The following TCF12 variants were observed in gnomAD, a reference collection of about 807,000 sequenced individuals.
TCF12 encodes DNA-binding protein HTF4.
In TCF12, 45 loss-of-function variants were observed where a neutral mutation model predicts 86.0. The observed-to-expected ratio is 0.52, with a 90% CI of 0.41 to 0.67. TCF12 has a LOEUF of 0.67. Among genes scored for constraint, TCF12 ranks in the 30% least tolerant of loss-of-function variants. The probability of loss-of-function intolerance (pLI) is 0.00; values close to 1 mark genes in which losing one functional copy is unlikely to be tolerated. For synonymous variants in TCF12, 330 were observed against 299.6 expected, an observed-to-expected ratio of 1.10 and a Z score of -1.05; for missense variants, 881 against 859.9, an observed-to-expected ratio of 1.02 and a Z score of -0.31.
chr15:56,958,527 A>C (rs1348045997), intron 3 of TCF12, among the ~76,000 whole-genome samples: 2 of 152,188 alleles, frequency 1.3e-5, no homozygotes, highest in African/African-American at 4.8e-5. Context: ...CCACATTCCA[A>C]ATGCTTAAAA....
At position 57,288,077 on chromosome 15, in the gene TCF12, G is replaced by T. The variant is rs2061990247; in HGVS notation, c.*1932G>T. ...AGCTAGTCTTTTATACAATAATCTT[G>T]TAAGAAAATTTCTTGAATTCTAAAT... On this transcript the variant is annotated 3_prime_UTR_variant, in exon 21 of 21. Transcript: ENST00000333725. The T allele has an allele frequency of 2.6e-5, 4 of 152,482 alleles. No individual in the cohort carries two copies. The South Asian group carries it at 8.3e-4, about 32-fold the overall frequency. 9.4% of individuals were successfully genotyped at this position (152,482 alleles called of 1,614,324 possible). A position where few individuals can be genotyped will look rare whatever the true frequency, so the allele number is the denominator to read the frequency against.
intron 3 of TCF12, among the ~76,000 whole-genome samples, chr15:57,046,533 C>T (rs2067243897): frequency 6.6e-6 from 1 of 152,190 alleles, no homozygotes; most frequent in Non-Finnish European, 1.5e-5. Context: ...ACCTCTGCCT[C>T]CCAGGTTCAA....
chr15:57,225,122 T>C (rs1321733196), intron 8 of TCF12, among the ~76,000 whole-genome samples: 1 of 151,810 alleles, frequency 6.6e-6, no homozygotes, highest in African/African-American at 2.4e-5. Flanking sequence ...TCTTTGGGAT[T>C]ACGTTGTTTA....
chr15:57,229,610 T>G (rs2059039315), intron 8 of TCF12, among the ~76,000 whole-genome samples: 1 of 151,910 alleles, frequency 6.6e-6, no homozygotes, highest in African/African-American at 2.4e-5. Context: ...ATAACTAAGC[T>G]CATGTTAGAC....
intron 3 of TCF12, among the ~76,000 whole-genome samples, chr15:56,937,555 C>T (rs2060522997): frequency 6.6e-6 from 1 of 151,626 alleles, no homozygotes; most frequent in African/African-American, 2.4e-5. Flanking sequence ...CTTTCTTTCT[C>T]TTGTCGGGTT....
At chr15:57,203,200 G>A (rs538426207) in intron 8 of TCF12, among the ~76,000 whole-genome samples, 4 of 152,228 alleles carry the variant, frequency 2.6e-5, no homozygotes, top group South Asian at 2.1e-4. Context: ...AATCAAATCC[G>A]GCTGCCCCTA....
intron 5 of TCF12, among the ~76,000 whole-genome samples, chr15:57,111,713 C>A (rs2050505639): frequency 6.6e-6 from 1 of 151,772 alleles, no homozygotes; most frequent in South Asian, 2.1e-4. Flanking sequence ...GGGCTCAGCC[C>A]CACCAAGTAG....
At chr15:57,011,533 G>A (rs192854515) in intron 3 of TCF12, among the ~76,000 whole-genome samples, 39 of 152,238 alleles carry the variant, frequency 2.6e-4, no homozygotes, top group African/African-American at 8.9e-4. Flanking sequence ...CTTTATAGCA[G>A]TGTGAGAACG....
chr15:56,971,657 A>C (rs2062335357), intron 3 of TCF12, among the ~76,000 whole-genome samples: 1 of 152,156 alleles, frequency 6.6e-6, no homozygotes, highest in African/African-American at 2.4e-5. Flanking sequence ...GGGAAAGTGT[A>C]AGATTTCACC....
Position 57,282,501 on chromosome 15 carries a change from T to A in TCF12, c.2035T>A (p.Ser679Thr). The change falls in exon 20 of 21, where the codon TCT becomes ACT. Residue 679 changes from serine to threonine, a missense_variant. Coordinates refer to ENST00000333725, the MANE Select transcript of TCF12 (RefSeq NM_207037.2). ...TAAGAGAAGGGAAGAAGAAAAAGTT[T>A]CTGCCGTATCGGCAGAGCCGCCAAC... Reference protein sequence around the residue: ...CLKRREEEKVSAVSAEPPTTL... With the variant: ...CLKRREEEKVTAVSAEPPTTL... 3.1e-6 allele frequency: 5 copies of A among 1,614,264 alleles called. No individual in the cohort carries two copies. The highest frequency in any genetic ancestry group is 4.2e-6 in the Non-Finnish European group (5 of 1,180,048).
At chr15:57,152,634 A>G (rs1437620536) in intron 5 of TCF12, among the ~76,000 whole-genome samples, 5 of 152,224 alleles carry the variant, frequency 3.3e-5, no homozygotes, top group African/African-American at 1.2e-4. Flanking sequence ...ATAGGCCAGT[A>G]TAAATTATCC....
At chr15:57,057,019 A>G (rs1450846315) in intron 3 of TCF12, among the ~76,000 whole-genome samples, 1 of 152,068 alleles carries the variant, frequency 6.6e-6, no homozygotes, top group African/African-American at 2.4e-5. Flanking sequence ...GCTTATTTTC[A>G]TGTTCTTCCA....
chr15:57,247,986 C>A, intron 13 of TCF12: 1 of 725,166 alleles, frequency 1.4e-6, no homozygotes, highest in East Asian at 2.6e-5. Flanking sequence ...TCTCCCCCAC[C>A]ACCCCACCCC....
chr15:57,145,523 G>T (rs2053296412), intron 5 of TCF12, among the ~76,000 whole-genome samples: 1 of 152,256 alleles, frequency 6.6e-6, no homozygotes, highest in Non-Finnish European at 1.5e-5. Context: ...TTGATAATGA[G>T]TGATGGACTT....
chr15:57,241,359 T>C (rs955490619), intron 12 of TCF12, among the ~76,000 whole-genome samples: 1 of 152,130 alleles, frequency 6.6e-6, no homozygotes, highest in Admixed American at 6.5e-5. Context: ...CCCAAAGTGC[T>C]GGGATTATAG....
At chr15:56,923,493 A>G (rs2059881225) in intron 3 of TCF12, among the ~76,000 whole-genome samples, 2 of 152,246 alleles carry the variant, frequency 1.3e-5, no homozygotes, top group South Asian at 2.1e-4. Flanking sequence ...TTCACTTGGT[A>G]TGATAGGCTC....
chr15:57,006,692 G>A (rs780626749), intron 3 of TCF12, among the ~76,000 whole-genome samples: 2 of 152,036 alleles, frequency 1.3e-5, no homozygotes, highest in Non-Finnish European at 2.9e-5. Context: ...TGAGGAGGGT[G>A]GATTGCTTGA....
At chr15:57,271,744 AT>A (rs1317782456) in intron 18 of TCF12, among the ~76,000 whole-genome samples, 1 of 151,928 alleles carries the variant, frequency 6.6e-6, no homozygotes, top group Non-Finnish European at 1.5e-5. Context: ...TCGGCAATGT[AT>A]TTTTTTTAAG....
At chr15:57,159,323 C>G (rs1383086769) in intron 5 of TCF12, among the ~76,000 whole-genome samples, 1 of 152,150 alleles carries the variant, frequency 6.6e-6, no homozygotes, top group African/African-American at 2.4e-5. Flanking sequence ...GCAGGTTTGC[C>G]CACTTTGTAA....
Sources: gnomAD v4.1 joint callset for allele counts (sites outside exome capture counted in the v4.1 genomes callset) on GRCh38, gnomAD v4.1.1 for gene constraint, MANE v1.5 for transcripts, NCBI Gene and HGNC (gene_info 2026-07-23, HGNC 2026-07-21) for gene names.